The following DDX47 variants were observed in gnomAD, a reference collection of about 807,000 sequenced individuals.
DDX47 encodes DEAD-box helicase 47, also known as probable ATP-dependent RNA helicase DDX47.
Under a neutral mutation model 58.8 loss-of-function variants are expected in DDX47, and 60 were observed. The observed-to-expected ratio is 1.02, with a 90% CI of 0.83 to 1.26. The LOEUF (loss-of-function observed/expected upper bound fraction) is 1.26. Ranked by LOEUF, DDX47 falls within the 50% of genes most tolerant of loss-of-function variation. The pLI is 0.00. For synonymous variants in DDX47, 197 were observed against 204.6 expected, an observed-to-expected ratio of 0.96 and a Z score of 0.32; for missense variants, 530 against 573.2, an observed-to-expected ratio of 0.92 and a Z score of 0.77.
chr12:12,827,162 C>T, intron 10 of DDX47, 84 bp from the exon 11 acceptor site: 8 of 1,486,180 alleles, frequency 5.4e-6, no homozygotes, highest in Non-Finnish European at 2.7e-6. Context: ...GTTCCTATTG[C>T]GTTGTATCAT....
At chr12:12,822,879 A>G (rs1223094354) in intron 6 of DDX47, 147 bp downstream of exon 6, 1 of 724,940 alleles carries the variant, frequency 1.4e-6, no homozygotes, top group East Asian at 2.7e-5. Context: ...TATACAGAAA[A>G]GAGGTTTAAT....
chr12:12,826,308 C>T (rs1863050759), intron 10 of DDX47: 2 of 328,004 alleles, frequency 6.1e-6, no homozygotes, highest in South Asian at 1.9e-4. Flanking sequence ...GTACCTAGAG[C>T]TGGAGAGCAA....
At chr12:12,813,736 C>T (rs1198916664) in intron 1 of DDX47, among the ~76,000 whole-genome samples, 3 of 152,154 alleles carry the variant, frequency 2.0e-5, no homozygotes, top group Non-Finnish European at 1.5e-5. Flanking sequence ...TGGAATTGGT[C>T]TCTTTATAAC....
chr12:12,826,142 C>T, intron 10 of DDX47, 72 bp downstream of exon 10: 1 of 1,262,368 alleles, frequency 7.9e-7, no homozygotes, highest in Non-Finnish European at 1.1e-6. Flanking sequence ...GGCTGAGAAC[C>T]TGACACTACC....
At position 12,827,298 on chromosome 12, in the gene DDX47, C is replaced by T. The variant is rs1174806458; in HGVS notation, c.1159C>T (p.Pro387Ser). ...RIEHLIGKKL[P>S]GFPTQDDEVM... ...AGAACACTTAATTGGGAAGAAACTA[C>T]CAGGTTTTCCAACACAGGATGATGA... Residue 387 changes from proline (P) to serine (S), a missense_variant, in exon 11 of 12, where the codon CCA becomes TCA. Transcript: ENST00000358007. 6.2e-7 allele frequency: 1 copy of T among 1,613,990 alleles called. No individual in the cohort carries two copies. Among genetic ancestry groups the T allele is most frequent in the African/African-American group, 1.3e-5 (1 of 74,882 alleles).
At position 12,813,438 on chromosome 12, in the gene DDX47, AAACATTT is replaced by A; in HGVS notation, c.74_80del (p.Thr25LysfsTer5). On this transcript the variant is annotated frameshift_variant, in exon 1 of 12. Transcript: ENST00000358007. LOFTEE classifies it high-confidence loss of function. ...CCGATTGTGGAAGAGGAGGAAACTA[AAACATTT>A]AAAGACCTGGTGAGAATGGATGACG... The A allele has an allele frequency of 6.2e-7, 1 of 1,611,598 alleles. No homozygotes were observed. Among genetic ancestry groups the A allele is most frequent in the Non-Finnish European group, 8.5e-7 (1 of 1,178,878 alleles).
intron 9 of DDX47, chr12:12,824,952 A>G: frequency 3.6e-6 from 1 of 278,820 alleles, no homozygotes; most frequent in East Asian, 7.0e-5. Context: ...TTTCTTGAGA[A>G]TGACAGCTTG....
In DDX47 at chr12:12,822,652, G is replaced by C; in HGVS notation, c.562-9G>C. 1 of 1,612,728 alleles carries C rather than the reference G, an allele frequency of 6.2e-7. No individual in the cohort carries two copies. The highest frequency in any genetic ancestry group is 1.1e-5 in the South Asian group (1 of 90,968). On this transcript the variant is annotated splice_polypyrimidine_tract_variant and intron_variant, in intron 5 of 11. Coordinates refer to ENST00000358007, the MANE Select transcript of DDX47 (RefSeq NM_016355.4). ...ATCATATTGGCATCTTTTCCTCTTT[G>C]TGCTTTAGGTTGACAAGATCCTCAA... is the stretch of plus-strand genomic sequence containing the variant.
rs761721659 is a variant in DDX47, at chr12:12,821,309, G to A, written c.283G>A (p.Ala95Thr). 2 of 1,614,156 alleles carry A rather than the reference G, an allele frequency of 1.2e-6. No individual in the cohort carries two copies. Among genetic ancestry groups the A allele is most frequent in the Non-Finnish European group, 1.7e-6 (2 of 1,180,034 alleles). ...ALLETPQRLF[A>T]LVLTPTRELA... ...GCTGGAGACCCCGCAGCGTTTGTTT[G>A]CCCTAGTTCTTACCCCGACTCGGGA... The change falls in exon 3 of 12, where the codon GCC becomes ACC. Residue 95 changes from alanine to threonine, a missense_variant. Transcript: ENST00000358007.
At position 12,821,245 on chromosome 12, in the gene DDX47, A is replaced by G; in HGVS notation, c.219A>G (p.Gly73=). Residue 73 remains glycine, a synonymous_variant, in exon 3 of 12, where the codon GGA becomes GGG. Transcript: ENST00000358007. Reference sequence around the variant, plus strand: ...TTGGGCTTGCAGAAACTGGCTCTGGAAAGACAGGCGCCTTTGCTTTGCCCA... The same window carrying G: ...TTGGGCTTGCAGAAACTGGCTCTGGGAAGACAGGCGCCTTTGCTTTGCCCA... ...DIIGLAETGS[G]KTGAFALPIL... 6.2e-7 allele frequency: 1 copy of G among 1,614,232 alleles called. No individual in the cohort carries two copies. Among genetic ancestry groups the G allele is most frequent in the East Asian group, 2.2e-5 (1 of 44,884 alleles).
At chr12:12,819,211 C>G (rs1285491690) in intron 2 of DDX47, among the ~76,000 whole-genome samples, 2 of 152,106 alleles carry the variant, frequency 1.3e-5, no homozygotes, top group Non-Finnish European at 2.9e-5. Flanking sequence ...TGGTTCTTTT[C>G]CCTTTGCCTT....
chr12:12,820,676 T>A (rs1862955964), intron 2 of DDX47: 1 of 155,992 alleles, frequency 6.4e-6, no homozygotes, highest in Admixed American at 6.4e-5. Flanking sequence ...TAATTTTGTA[T>A]TTTTAGTAGA....
intron 2 of DDX47, among the ~76,000 whole-genome samples, chr12:12,815,633 A>G (rs1237119100): frequency 1.3e-5 from 2 of 152,170 alleles, no homozygotes; most frequent in Admixed American, 6.5e-5. Context: ...AGACATTCAG[A>G]TATGATGGGA....
intron 1 of DDX47, 70 bp from the exon 2 acceptor site, chr12:12,814,061 C>CA: frequency 1.1e-6 from 1 of 934,710 alleles, no homozygotes; most frequent in African/African-American, 1.6e-5. Flanking sequence ...ATGGGTCTGA[C>CA]AGTCAGTTAA....
chr12:12,822,636 G>T (rs760849188), intron 5 of DDX47, 25 bp from the exon 6 acceptor site: 12 of 1,602,310 alleles, frequency 7.5e-6, no homozygotes, highest in African/African-American at 1.3e-5. Flanking sequence ...TATCATATTG[G>T]CATCTTTTCC....
chr12:12,827,599 G>GCACCTGTT (rs1250071793), intron 11 of DDX47, among the ~76,000 whole-genome samples: 3 of 152,172 alleles, frequency 2.0e-5, no homozygotes, highest in African/African-American at 7.2e-5. Flanking sequence ...CACATTCACA[G>GCACCTGTT]CACCTGTTCA....
chr12:12,824,242 G>T (rs948740629), intron 8 of DDX47: 4 of 602,098 alleles, frequency 6.6e-6, no homozygotes, highest in Non-Finnish European at 1.1e-5. Context: ...TTTGCAAGCT[G>T]TTGAGTTGAT....
At chr12:12,824,772 C>A in intron 9 of DDX47, 95 bp downstream of exon 9, 2 of 1,375,616 alleles carry the variant, frequency 1.5e-6, no homozygotes, top group Non-Finnish European at 2.0e-6. Context: ...TTATTTTGTT[C>A]CTGGTTAATT....
chr12:12,829,642 T>C lies in DDX47; in HGVS notation c.*88T>C, dbSNP rs2136428050. On this transcript the variant is annotated 3_prime_UTR_variant, in exon 12 of 12. Transcript: ENST00000358007. ...TCCAACAGAGATCATGAGACTGAAA[T>C]TGGTCAGAATTGTGTCCAGAATGTG... 1 of 1,485,046 alleles carries C rather than the reference T, an allele frequency of 6.7e-7. No homozygotes were observed. The highest frequency in any genetic ancestry group is 9.0e-7 in the Non-Finnish European group (1 of 1,105,240). 92.0% of individuals were successfully genotyped at this position (1,485,046 alleles called of 1,614,324 possible).
Sources: gnomAD v4.1 joint callset for allele counts (sites outside exome capture counted in the v4.1 genomes callset) on GRCh38, gnomAD v4.1.1 for gene constraint, MANE v1.5 for transcripts, NCBI Gene and HGNC (gene_info 2026-07-23, HGNC 2026-07-21) for gene names.